PKHD1: variants seen among roughly 807,000 people sequenced by gnomAD.
The protein encoded by PKHD1 is fibrocystin.
Under a neutral mutation model 412.0 loss-of-function variants are expected in PKHD1, and 291 were observed. That is an observed-to-expected ratio of 0.71 (90% CI 0.64 to 0.78). The LOEUF is 0.78. PKHD1 is among the 30% of genes least tolerant of loss of function. PKHD1 has a pLI of 0.00. For missense variants in PKHD1, 4,825 were observed against 4,950.7 expected, an observed-to-expected ratio of 0.97 and a Z score of 0.76; for synonymous variants, 1,777 against 1,821.5, an observed-to-expected ratio of 0.98 and a Z score of 0.62.
intron 46 of PKHD1, among the ~76,000 whole-genome samples, chr6:51,873,654 G>A (rs1233933109): frequency 6.6e-6 from 1 of 152,206 alleles, no homozygotes; most frequent in Non-Finnish European, 1.5e-5. Flanking sequence ...CATAGAAGAT[G>A]AGAGGGTAAG....
intron 60 of PKHD1, among the ~76,000 whole-genome samples, chr6:51,691,346 A>G (rs545090384): frequency 6.6e-6 from 1 of 152,328 alleles, no homozygotes; most frequent in East Asian, 1.9e-4. Flanking sequence ...TTATAAAGAC[A>G]CATGCATGAA....
At chr6:51,972,737 C>T (rs150799612) in intron 35 of PKHD1, among the ~76,000 whole-genome samples, 7 of 152,332 alleles carry the variant, frequency 4.6e-5, no homozygotes, top group Admixed American at 3.9e-4. Context: ...AGCCCAAACA[C>T]ATCCGCCACA....
chr6:51,860,240 C>T (rs949158799), intron 48 of PKHD1, among the ~76,000 whole-genome samples: 2 of 152,148 alleles, frequency 1.3e-5, no homozygotes, highest in African/African-American at 4.8e-5. Context: ...ACTCAAAAAG[C>T]AAAAGACCCA....
chr6:51,651,175 A>G (rs562657960), intron 61 of PKHD1, among the ~76,000 whole-genome samples: 1 of 152,280 alleles, frequency 6.6e-6, no homozygotes. Context: ...TATTGTGAGC[A>G]AACATCTCTT....
chr6:51,778,963 C>T (rs536922745), intron 53 of PKHD1, among the ~76,000 whole-genome samples: 33 of 152,148 alleles, frequency 2.2e-4, no homozygotes, highest in African/African-American at 7.9e-4. Context: ...TTGGCTCCAC[C>T]GTAATTTATT....
chr6:51,659,889 G>A lies in PKHD1; in HGVS notation c.10237C>T (p.Leu3413=). 2 of 1,612,788 alleles carry A rather than the reference G, an allele frequency of 1.2e-6. No individual in the cohort carries two copies. The highest frequency in any genetic ancestry group is 1.7e-6 in the Non-Finnish European group (2 of 1,179,014). The change falls in exon 61 of 67, where the codon CTA becomes TTA. Residue 3413 remains leucine (L), a synonymous_variant. Coordinates refer to ENST00000371117, the MANE Select transcript of PKHD1 (RefSeq NM_138694.4). ...FICKQTDQVV[L]ILDSADAIWA... Reference sequence around the variant, plus strand: ...ATGGCATCAGCGCTATCAAGAATTAGGACCACTTGGTCAGTCTGTTTGCAG... The same window carrying A: ...ATGGCATCAGCGCTATCAAGAATTAAGACCACTTGGTCAGTCTGTTTGCAG...
intron 35 of PKHD1, among the ~76,000 whole-genome samples, chr6:51,991,946 C>T (rs577640725): frequency 3.9e-5 from 6 of 152,170 alleles, no homozygotes; most frequent in Non-Finnish European, 8.8e-5. Flanking sequence ...TTAGGAGTTA[C>T]TATCTCTAAA....
chr6:52,009,663 T>A (rs891973609), intron 35 of PKHD1, among the ~76,000 whole-genome samples: 12 of 152,152 alleles, frequency 7.9e-5, no homozygotes, highest in African/African-American at 2.7e-4. Context: ...AGCCTCTGAT[T>A]GCAATTCTCG....
rs111995327 is a variant in PKHD1 at position 52,068,189 on chromosome 6, G to A, written c.778+1268C>T. On this transcript the variant is annotated intron_variant, in intron 11 of 66. Coordinates refer to ENST00000371117, the MANE Select transcript of PKHD1 (RefSeq NM_138694.4). ...TCAGTTTTAGAGATGCTTAATTAAG[G>A]CTCAAAAAGCTTAAAAGGCTTAACT... Among the ~76,000 whole-genome samples the A allele has an allele frequency of 8.0e-3, 1,221 of 152,258 alleles. 19 individuals are homozygous for A. The highest frequency in any genetic ancestry group is 0.028 in the African/African-American group (1,172 of 41,550).
At position 51,626,875 on chromosome 6, in the gene PKHD1, A is replaced by T. The variant is rs976686296; in HGVS notation, c.11785+122T>A. On this transcript the variant is annotated intron_variant, in intron 66 of 66. Coordinates refer to ENST00000371117, the MANE Select transcript of PKHD1 (RefSeq NM_138694.4). ...GGGTATAATTTCTTTGAAGGAAAGT[A>T]ACAAAGACTAAGAAGGGGCTATAAA... is the stretch of plus-strand genomic sequence containing the variant. The T allele has an allele frequency of 1.1e-5, 11 of 981,468 alleles. No homozygotes were observed. In the African/African-American group the frequency reaches 1.4e-4, roughly 13 times the overall value. 60.8% of individuals were successfully genotyped at this position (981,468 alleles called of 1,614,324 possible).
At chr6:51,674,266 A>G (rs1040530436) in intron 60 of PKHD1, among the ~76,000 whole-genome samples, 1 of 152,186 alleles carries the variant, frequency 6.6e-6, no homozygotes, top group Non-Finnish European at 1.5e-5. Flanking sequence ...GTACAGATAT[A>G]TCTGTTAAGA....
chr6:51,993,236 G>C (rs980723310), intron 35 of PKHD1, among the ~76,000 whole-genome samples: 3 of 152,218 alleles, frequency 2.0e-5, no homozygotes, highest in Admixed American at 2.0e-4. Context: ...GGCAAAGGCT[G>C]CCTGCTGGGT....
Position 51,886,099 on chromosome 6 carries a change from C to G in PKHD1, c.7110-127G>C, listed in dbSNP as rs1013911660. ...ATGAAGGTAGATGGAATCTGTGACC[C>G]TCCCCCTAACTGTTCTTGCCTACCC... is the stretch of plus-strand genomic sequence containing the variant. On this transcript the variant is annotated intron_variant, in intron 44 of 66. Coordinates refer to ENST00000371117, the MANE Select transcript of PKHD1 (RefSeq NM_138694.4). The G allele has an allele frequency of 6.7e-5, 48 of 718,840 alleles. No homozygotes were observed. The African/African-American group carries it at 8.2e-4, about 12-fold the overall frequency. 44.5% of individuals were successfully genotyped at this position (718,840 alleles called of 1,614,324 possible).
At chr6:51,883,298 A>C in intron 45 of PKHD1, 71 bp from the exon 46 acceptor site, 2 of 1,338,174 alleles carry the variant, frequency 1.5e-6, no homozygotes, top group Non-Finnish European at 1.1e-6. Context: ...GTAGCTTTTA[A>C]AATTATTGAT....
At chr6:52,023,015 A>T (rs896115277) in intron 32 of PKHD1, 71 bp from the exon 33 acceptor site, 1 of 1,562,462 alleles carries the variant, frequency 6.4e-7, no homozygotes, top group East Asian at 2.2e-5. Flanking sequence ...TCAAAATTCA[A>T]ACATTTGCTT....
chr6:51,952,036 C>T (rs1790440765), intron 36 of PKHD1, among the ~76,000 whole-genome samples: 1 of 152,150 alleles, frequency 6.6e-6, no homozygotes, highest in African/African-American at 2.4e-5. Flanking sequence ...GTTGTCAAGA[C>T]ATAAAACTGT....
intron 43 of PKHD1, among the ~76,000 whole-genome samples, chr6:51,893,385 A>C (rs1234755592): frequency 6.6e-6 from 1 of 152,226 alleles, no homozygotes; most frequent in Non-Finnish European, 1.5e-5. Context: ...CTGGGTGATC[A>C]CATATAAACA....
intron 6 of PKHD1, among the ~76,000 whole-genome samples, chr6:52,074,841 C>A (rs1811126951): frequency 6.6e-6 from 1 of 152,162 alleles, no homozygotes; most frequent in South Asian, 2.1e-4. Flanking sequence ...AAGATGCAGT[C>A]GTATGGATCC....
chr6:51,749,090 C>T (rs1320114206), intron 57 of PKHD1, among the ~76,000 whole-genome samples: 1 of 152,160 alleles, frequency 6.6e-6, no homozygotes, highest in Non-Finnish European at 1.5e-5. Context: ...AGGCCACAGC[C>T]ATTCCCAAGA....
Sources: gnomAD v4.1 joint callset for allele counts (sites outside exome capture counted in the v4.1 genomes callset) on GRCh38, gnomAD v4.1.1 for gene constraint, MANE v1.5 for transcripts, NCBI Gene and HGNC (gene_info 2026-07-23, HGNC 2026-07-21) for gene names.